Variants in SPTLC3 observed in about 807,000 individuals in gnomAD.
SPTLC3 encodes serine palmitoyltransferase 3.
A neutral mutation model predicts 59.3 loss-of-function variants in SPTLC3; 36 were observed. The ratio of observed to expected loss-of-function variants is 0.61; its 90% CI spans 0.47 to 0.80. The LOEUF is 0.80. Among genes scored for constraint, SPTLC3 ranks in the 30% least tolerant of loss-of-function variants. The pLI is 0.00. For missense variants in SPTLC3, 625 were observed against 685.1 expected (o/e 0.91, Z 0.98); for synonymous variants, 257 against 240.8 (o/e 1.07, Z -0.62).
intron 9 of SPTLC3, among the ~76,000 whole-genome samples, chr20:13,131,145 C>A (rs1284275164): frequency 1.3e-5 from 2 of 152,084 alleles, no homozygotes; most frequent in Non-Finnish European, 2.9e-5. Flanking sequence ...AAAGCATTGT[C>A]AAAAATCATC....
chr20:13,157,582 C>T (rs955074661), intron 10 of SPTLC3, among the ~76,000 whole-genome samples: 4 of 151,836 alleles, frequency 2.6e-5, no homozygotes, highest in African/African-American at 7.3e-5. Context: ...GAAAAAAATG[C>T]ACATCTCATT....
intron 9 of SPTLC3, among the ~76,000 whole-genome samples, chr20:13,127,323 C>G (rs6041885): frequency 0.55 from 83,882 of 152,062 alleles, 23,424 homozygotes; most frequent in African/African-American, 0.64. Context: ...ATGGTTTATA[C>G]AGATTCTACC....
At chr20:13,162,718 G>A (rs765446795) in intron 11 of SPTLC3, among the ~76,000 whole-genome samples, 7 of 152,086 alleles carry the variant, frequency 4.6e-5, no homozygotes, top group Admixed American at 1.3e-4. Context: ...TCATTCTCTC[G>A]CCTTTCAGAT....
intron 1 of SPTLC3, among the ~76,000 whole-genome samples, chr20:13,044,346 C>A (rs1054651579): frequency 3.9e-5 from 6 of 152,104 alleles, no homozygotes; most frequent in African/African-American, 1.4e-4. Context: ...AGGTGATCCA[C>A]CCACCTCGGC....
chr20:13,094,094 G>A (rs1455343523), intron 6 of SPTLC3, among the ~76,000 whole-genome samples: 4 of 152,142 alleles, frequency 2.6e-5, no homozygotes, highest in Non-Finnish European at 5.9e-5. Flanking sequence ...GTGGTGAGGA[G>A]CAGGCAGAAG....
intron 7 of SPTLC3, among the ~76,000 whole-genome samples, chr20:13,112,446 G>A (rs1294083533): frequency 6.6e-6 from 1 of 152,196 alleles, no homozygotes; most frequent in Non-Finnish European, 1.5e-5. Context: ...CTTCTGCCCT[G>A]ACCCATTGGC....
At chr20:13,126,532 C>T in intron 8 of SPTLC3, 59 bp from the exon 9 acceptor site, 2 of 1,593,938 alleles carry the variant, frequency 1.3e-6, no homozygotes, top group Non-Finnish European at 1.7e-6. Context: ...AGATGTAATT[C>T]CCACCACCAG....
At chr20:13,160,722 A>G (rs927817745) in intron 11 of SPTLC3, among the ~76,000 whole-genome samples, 2 of 152,236 alleles carry the variant, frequency 1.3e-5, no homozygotes, top group Non-Finnish European at 2.9e-5. Flanking sequence ...TGCAAACACT[A>G]TTGAGAGTCA....
At chr20:13,040,007 G>A (rs977846478) in intron 1 of SPTLC3, among the ~76,000 whole-genome samples, 1 of 151,452 alleles carries the variant, frequency 6.6e-6, no homozygotes, top group African/African-American at 2.4e-5. Flanking sequence ...TAAGAAGCTG[G>A]AAAGGAAAGG....
At chr20:13,095,551 A>G (rs970170005) in intron 6 of SPTLC3, among the ~76,000 whole-genome samples, 3 of 152,200 alleles carry the variant, frequency 2.0e-5, no homozygotes, top group Non-Finnish European at 4.4e-5. Context: ...CGTAAGCTTC[A>G]TTAATCATTG....
intron 6 of SPTLC3, among the ~76,000 whole-genome samples, chr20:13,097,038 G>C (rs946754204): frequency 6.6e-6 from 1 of 151,988 alleles, no homozygotes; most frequent in African/African-American, 2.4e-5. Context: ...CTGGCAATGG[G>C]AACTACTGAA....
chr20:13,142,372 A>T (rs1479366239), intron 9 of SPTLC3, among the ~76,000 whole-genome samples: 1 of 152,072 alleles, frequency 6.6e-6, no homozygotes, highest in Non-Finnish European at 1.5e-5. Flanking sequence ...ATACATATGG[A>T]ATTCCATGTT....
intron 10 of SPTLC3, among the ~76,000 whole-genome samples, chr20:13,159,274 G>T (rs6109730): frequency 2.0e-5 from 3 of 152,172 alleles, no homozygotes; most frequent in Non-Finnish European, 4.4e-5. Flanking sequence ...TAGGCTGTAA[G>T]GTTCTCTGCG....
Position 13,126,667 on chromosome 20 carries a change from A to T in SPTLC3, c.1229A>T (p.Gln410Leu), listed in dbSNP as rs766865071. 6.2e-7 allele frequency: 1 copy of T among 1,614,108 alleles called. No homozygotes were observed. Among genetic ancestry groups the T allele is most frequent in the Non-Finnish European group, 8.5e-7 (1 of 1,179,958 alleles). Residue 410 changes from glutamine (Q) to leucine (L), a missense_variant, in exon 9 of 12, where the codon CAA becomes CTA. Transcript: ENST00000399002. The stretch of plus-strand genomic sequence containing the variant: ...TCCATGAGCCCACCGATAGCAGAGC[A>T]AATCATCAGATCACTAAAACTTATC... ...ASSMSPPIAE[Q>L]IIRSLKLIMG...
intron 7 of SPTLC3, among the ~76,000 whole-genome samples, chr20:13,112,285 G>A (rs1990275721): frequency 6.6e-6 from 1 of 152,162 alleles, no homozygotes; most frequent in African/African-American, 2.4e-5. Flanking sequence ...CCTCGGTACT[G>A]GCTCTCACCT....
At chr20:13,047,340 A>G (rs1337809015) in intron 1 of SPTLC3, among the ~76,000 whole-genome samples, 32 of 152,150 alleles carry the variant, frequency 2.1e-4, no homozygotes, top group Non-Finnish European at 4.4e-5. Context: ...TCGTCAAAAC[A>G]GTATTTCAAA....
At chr20:13,082,989 G>A (rs765388742) in intron 4 of SPTLC3, among the ~76,000 whole-genome samples, 1 of 152,170 alleles carries the variant, frequency 6.6e-6, no homozygotes, top group Non-Finnish European at 1.5e-5. Flanking sequence ...AAAGAACCAT[G>A]TGACAGAAAT....
At chr20:13,089,294 C>T (rs2122620049) in intron 4 of SPTLC3, among the ~76,000 whole-genome samples, 1 of 152,282 alleles carries the variant, frequency 6.6e-6, no homozygotes, top group East Asian at 1.9e-4. Flanking sequence ...CAGCATCTCT[C>T]CACTTGTACA....
At position 13,073,915 on chromosome 20, in the gene SPTLC3, T is replaced by C. The variant is rs537741927; in HGVS notation, c.459-434T>C. 7 of 564,868 alleles carry C rather than the reference T, an allele frequency of 1.2e-5. No individual in the cohort carries two copies. The East Asian group carries it at 3.1e-4, about 25-fold the overall frequency. The allele number at this position is 564,868 out of a possible 1,614,324, so 35.0% of individuals were successfully genotyped here. On this transcript the variant is annotated intron_variant, in intron 3 of 11. Coordinates refer to ENST00000399002, the MANE Select transcript of SPTLC3 (RefSeq NM_018327.4). ...TGTTTGTTGGTTCCCAGAGATGCAT[T>C]CTTCATCCTGGATCATCCAGGGAGG...
Sources: allele counts gnomAD v4.1 joint callset (sites outside exome capture counted in the v4.1 genomes callset), GRCh38; gene constraint gnomAD v4.1.1; transcripts MANE v1.5; gene names NCBI Gene and HGNC (gene_info 2026-07-23, HGNC 2026-07-21).